KANK1: variants seen among roughly 807,000 people sequenced by gnomAD.
KANK1 encodes KN motif and ankyrin repeat domain-containing protein 1.
Under a neutral mutation model 106.2 loss-of-function variants are expected in KANK1, and 109 were observed. The observed-to-expected ratio is 1.03, with a 90% confidence interval of 0.88 to 1.20. The LOEUF is 1.20. Ranked by LOEUF, KANK1 falls within the 50% of genes most tolerant of loss-of-function variation. The probability of loss-of-function intolerance (pLI) is 0.00; values close to 1 mark genes in which losing one functional copy is unlikely to be tolerated. For missense variants in KANK1, 2,399 were observed against 1,710.7 expected (o/e 1.40, Z -7.10); for synonymous variants, 873 against 652.2 (o/e 1.34, Z -5.16).
intron 1 of KANK1, among the ~76,000 whole-genome samples, chr9:611,998 G>T (rs1406002751): frequency 6.6e-6 from 1 of 152,170 alleles, no homozygotes; most frequent in African/African-American, 2.4e-5. Flanking sequence ...GATTACAGGC[G>T]TGAGCCACCG....
intron 3 of KANK1, among the ~76,000 whole-genome samples, chr9:484,872 A>T (rs1253580262): frequency 6.6e-6 from 1 of 152,142 alleles, no homozygotes; most frequent in African/African-American, 2.4e-5. Flanking sequence ...ATAAGAATCC[A>T]GCATGGGATT....
intron 1 of KANK1, among the ~76,000 whole-genome samples, chr9:614,853 C>T (rs954325616): frequency 1.3e-5 from 2 of 152,100 alleles, no homozygotes; most frequent in Non-Finnish European, 2.9e-5. Context: ...TAAACTTCTG[C>T]TCATTCATAT....
intron 1 of KANK1, among the ~76,000 whole-genome samples, chr9:622,410 T>C (rs1468088875): frequency 6.6e-6 from 1 of 152,108 alleles, no homozygotes; most frequent in Non-Finnish European, 1.5e-5. Context: ...AAATGCATAA[T>C]GACCTAAATG....
intron 1 of KANK1, among the ~76,000 whole-genome samples, chr9:559,948 A>G (rs1458022621): frequency 2.0e-5 from 3 of 152,134 alleles, no homozygotes; most frequent in African/African-American, 7.2e-5. Context: ...TATTATAGTT[A>G]TTTGTATTGT....
intron 1 of KANK1, among the ~76,000 whole-genome samples, chr9:524,578 T>TG (rs1486606856): frequency 6.6e-6 from 1 of 151,608 alleles, no homozygotes; most frequent in Non-Finnish European, 1.5e-5. Context: ...AGTGCAGTGC[T>TG]GCGATCTCAG....
rs1204652309 is a variant in KANK1, at chr9:745,795, A to G, written c.*560A>G. The G allele has an allele frequency of 6.5e-6, 1 of 152,680 alleles. No individual in the cohort carries two copies. Among genetic ancestry groups the G allele is most frequent in the Non-Finnish European group, 1.5e-5 (1 of 68,064 alleles). 9.5% of individuals were successfully genotyped at this position (152,680 alleles called of 1,614,324 possible). On this transcript the variant is annotated 3_prime_UTR_variant, in exon 12 of 12. Transcript: ENST00000382297. ...GGTCTTAACTAGGTAGATGTAATATATGACTTTTTATAAAAAGGGTATCTA... is the reference window on the plus strand; with the variant it reads ...GGTCTTAACTAGGTAGATGTAATATGTGACTTTTTATAAAAAGGGTATCTA...
intron 2 of KANK1, among the ~76,000 whole-genome samples, chr9:695,756 G>A (rs1821109702): frequency 6.6e-6 from 1 of 152,124 alleles, no homozygotes; most frequent in Non-Finnish European, 1.5e-5. Flanking sequence ...ACAACACACT[G>A]ATGCAGGTAC....
At chr9:665,838 A>C (rs1844439404) in intron 1 of KANK1, among the ~76,000 whole-genome samples, 1 of 152,150 alleles carries the variant, frequency 6.6e-6, no homozygotes, top group Admixed American at 6.5e-5. Context: ...TTATTTAATC[A>C]GTTTTTTATA....
chr9:628,643 A>C (rs1301579145), intron 1 of KANK1, among the ~76,000 whole-genome samples: 2 of 152,126 alleles, frequency 1.3e-5, no homozygotes, highest in Admixed American at 6.5e-5. Context: ...TTAGGATTCA[A>C]ATCTTCAGGG....
At chr9:481,007 C>G (rs1001116914) in intron 3 of KANK1, among the ~76,000 whole-genome samples, 1 of 152,236 alleles carries the variant, frequency 6.6e-6, no homozygotes, top group Non-Finnish European at 1.5e-5. Context: ...ACCTAACCTA[C>G]CAAACATCAC....
intron 1 of KANK1, among the ~76,000 whole-genome samples, chr9:624,430 T>A (rs143425674): frequency 6.6e-6 from 1 of 152,190 alleles, no homozygotes; most frequent in Non-Finnish European, 1.5e-5. Context: ...TTGTATACTT[T>A]GAATACGTAT....
chr9:612,430 G>A (rs923218223), intron 1 of KANK1, among the ~76,000 whole-genome samples: 13 of 152,186 alleles, frequency 8.5e-5, no homozygotes, highest in Non-Finnish European at 1.6e-4. Context: ...GATGTCTGCT[G>A]AAATGGTGAT....
rs537485808 is a variant in KANK1 at position 540,175 on chromosome 9, G to A, written c.-84+35421G>A. Among the ~76,000 whole-genome samples, 94 of 152,294 alleles carry A rather than the reference G, an allele frequency of 6.2e-4. No homozygotes were observed. The Middle Eastern group carries it at 0.01, about 17-fold the overall frequency. On this transcript the variant is annotated intron_variant, in intron 1 of 11. Coordinates refer to ENST00000382297, the MANE Select transcript of KANK1 (RefSeq NM_015158.5). ...GTATGATATTAGCTACGGGCATGCC[G>A]TATGTGGCCTTTATTATGTCGAGGT...
intron 3 of KANK1, among the ~76,000 whole-genome samples, chr9:481,948 G>C (rs2058212423): frequency 6.6e-6 from 1 of 152,206 alleles, no homozygotes; most frequent in Non-Finnish European, 1.5e-5. Flanking sequence ...GGGGCGAGGA[G>C]GAGGGTCATG....
chr9:745,052 C>A, intron 11 of KANK1, 121 bp from the exon 12 acceptor site: 1 of 1,529,724 alleles, frequency 6.5e-7, no homozygotes, highest in Non-Finnish European at 8.8e-7. Flanking sequence ...AGCCAGAGCT[C>A]TCCTGGCTCG....
intron 2 of KANK1, chr9:707,211 A>G: frequency 1.0e-6 from 1 of 986,374 alleles, no homozygotes; most frequent in South Asian, 4.6e-5. Context: ...TGTGCGGGGC[A>G]GCGCGGGCTG....
intron 1 of KANK1, among the ~76,000 whole-genome samples, chr9:526,789 A>G (rs1244774453): frequency 6.6e-6 from 1 of 151,674 alleles, no homozygotes; most frequent in Non-Finnish European, 1.5e-5. Flanking sequence ...AAATGACTGT[A>G]TCTTGAGAAA....
At chr9:546,631 C>G (rs1286955538) in intron 1 of KANK1, among the ~76,000 whole-genome samples, 1 of 152,038 alleles carries the variant, frequency 6.6e-6, no homozygotes, top group Admixed American at 6.6e-5. Flanking sequence ...TTTGTTTATT[C>G]TTATGTAGCC....
upstream of KANK1, among the ~76,000 whole-genome samples, chr9:503,386 A>G (rs1332768950): frequency 6.6e-6 from 1 of 152,108 alleles, no homozygotes; most frequent in Non-Finnish European, 1.5e-5. Flanking sequence ...ATTCAAAATG[A>G]GCTTTCCTGC....
Sources: gnomAD v4.1 joint callset for allele counts (sites outside exome capture counted in the v4.1 genomes callset) on GRCh38, gnomAD v4.1.1 for gene constraint, MANE v1.5 for transcripts, NCBI Gene and HGNC (gene_info 2026-07-23, HGNC 2026-07-21) for gene names.